The following PCDHA11 variants were observed in gnomAD, a reference collection of about 807,000 sequenced individuals.
The protein encoded by PCDHA11 is protocadherin alpha 11.
A neutral mutation model predicts 70.3 loss-of-function variants in PCDHA11; 61 were observed. The ratio of observed to expected loss-of-function variants is 0.87; its 90% confidence interval spans 0.71 to 1.07. PCDHA11 has a LOEUF of 1.07. Ranked by LOEUF, PCDHA11 falls within the 50% of genes least tolerant of loss-of-function variation. The pLI, the probability that PCDHA11 is intolerant of heterozygous loss-of-function variation, is 0.00. For synonymous variants in PCDHA11, 633 were observed against 555.1 expected (o/e 1.14, Z -1.97); for missense variants, 1,324 against 1,237.5 (o/e 1.07, Z -1.05).
chr5:140,882,391 C>T, intron 1 of PCDHA11: 2 of 1,614,214 alleles, frequency 1.2e-6, no homozygotes, highest in Non-Finnish European at 8.5e-7. Context: ...AAGCAAAACA[C>T]GGCACCTTCG....
chr5:140,978,601 G>A (rs1382051729), intron 1 of PCDHA11, among the ~76,000 whole-genome samples: 1 of 152,244 alleles, frequency 6.6e-6, no homozygotes, highest in African/African-American at 2.4e-5. Flanking sequence ...TGGGGCACTT[G>A]AGGGCAAAAG....
intron 1 of PCDHA11, among the ~76,000 whole-genome samples, chr5:140,874,303 C>T (rs1299985366): frequency 6.6e-6 from 1 of 152,088 alleles, no homozygotes. Flanking sequence ...TACTTGTTCA[C>T]AATGAGTTGT....
At chr5:140,935,894 CTT>C (rs55841305) in intron 1 of PCDHA11, among the ~76,000 whole-genome samples, 8 of 136,706 alleles carry the variant, frequency 5.9e-5, no homozygotes, top group Non-Finnish European at 3.1e-5. Context: ...TCAATATTAT[CTT>C]TTTTTTTTTT....
chr5:140,927,997 C>T (rs139322203), intron 1 of PCDHA11: 298 of 1,614,182 alleles, frequency 1.8e-4, no homozygotes, highest in Admixed American at 5.8e-4. Context: ...GGATGAAGAC[C>T]TCGATTCTAA....
chr5:140,899,402 G>A lies in PCDHA11; in HGVS notation c.2391+27908G>A, dbSNP rs1465071147. On this transcript the variant is annotated intron_variant, in intron 1 of 3. Transcript: ENST00000398640. ...TTTATTGAGAGTTTTTAGCATGAAG[G>A]GTTGTTGAATTTTGTCAAAGGTCTT... Among the ~76,000 whole-genome samples, 5 of 152,122 alleles carry A rather than the reference G, an allele frequency of 3.3e-5. No individual in the cohort carries two copies. The East Asian group carries it at 7.7e-4, about 24-fold the overall frequency.
At chr5:140,933,036 A>G (rs545196190) in intron 1 of PCDHA11, among the ~76,000 whole-genome samples, 5 of 152,154 alleles carry the variant, frequency 3.3e-5, no homozygotes, top group South Asian at 4.1e-4. Context: ...CTTCAAGTGA[A>G]TATGGATTAC....
chr5:140,904,486 C>G (rs1396927518), intron 1 of PCDHA11, among the ~76,000 whole-genome samples: 2 of 151,508 alleles, frequency 1.3e-5, no homozygotes, highest in African/African-American at 2.4e-5. Context: ...TGGTCTGATT[C>G]CAAATTTTTA....
chr5:140,988,500 C>T (rs1340106461), intron 3 of PCDHA11, among the ~76,000 whole-genome samples: 1 of 152,116 alleles, frequency 6.6e-6, no homozygotes, highest in Non-Finnish European at 1.5e-5. Flanking sequence ...TAGGAGAAGC[C>T]ATGAAGCTTA....
At chr5:140,997,792 T>C (rs1279010273) in intron 3 of PCDHA11, among the ~76,000 whole-genome samples, 1 of 152,160 alleles carries the variant, frequency 6.6e-6, no homozygotes, top group African/African-American at 2.4e-5. Context: ...TATATTATAA[T>C]TTATCCAATT....
chr5:140,877,262 T>C (rs1554169532), intron 1 of PCDHA11: 2 of 1,613,670 alleles, frequency 1.2e-6, no homozygotes, highest in South Asian at 2.2e-5. Flanking sequence ...GTGCGCGCGG[T>C]GGACGCTGAC....
At chr5:140,978,030 A>T (rs2096786422) in intron 1 of PCDHA11, among the ~76,000 whole-genome samples, 1 of 152,194 alleles carries the variant, frequency 6.6e-6, no homozygotes, top group Non-Finnish European at 1.5e-5. Flanking sequence ...GCTTACTGAT[A>T]CAAGACAGTG....
At chr5:140,920,084 T>C (rs2079442648) in intron 1 of PCDHA11, among the ~76,000 whole-genome samples, 1 of 152,196 alleles carries the variant, frequency 6.6e-6, no homozygotes, top group Non-Finnish European at 1.5e-5. Context: ...AGATTCTCCG[T>C]AGAGCCTCTA....
rs934481202 is a variant in PCDHA11, at chr5:140,902,279, C to A, written c.2391+30785C>A. On this transcript the variant is annotated intron_variant, in intron 1 of 3. Coordinates refer to ENST00000398640, the MANE Select transcript of PCDHA11 (RefSeq NM_018902.5). ...TCTCGAACTCCTGGGCTCAAGCAATCCTCCTGCCTCAGCCTCCCAAAGTGC... is the reference window on the plus strand; with the variant it reads ...TCTCGAACTCCTGGGCTCAAGCAATACTCCTGCCTCAGCCTCCCAAAGTGC... Among the ~76,000 whole-genome samples the A allele has an allele frequency of 2.7e-5, 4 of 148,452 alleles. No individual in the cohort carries two copies. The Admixed American group carries it at 2.7e-4, about 10-fold the overall frequency.
chr5:140,945,533 A>G (rs1007849839), intron 1 of PCDHA11, among the ~76,000 whole-genome samples: 2 of 152,084 alleles, frequency 1.3e-5, no homozygotes, highest in African/African-American at 4.8e-5. Flanking sequence ...AAAACAAAAC[A>G]TACAAACAAA....
At chr5:140,993,310 A>G (rs1013688133) in intron 3 of PCDHA11, among the ~76,000 whole-genome samples, 2 of 152,038 alleles carry the variant, frequency 1.3e-5, no homozygotes, top group African/African-American at 4.8e-5. Context: ...CTCCAGGATA[A>G]TACCTTCTAA....
chr5:141,011,237 A>G lies in PCDHA11; in HGVS notation c.*1300A>G, dbSNP rs562746586. Reference sequence around the variant, plus strand: ...GATTTTTCAATCTACTAATTCTGTGACTTGTCTTGGTGTGCTAGCCTACAC... The same window carrying G: ...GATTTTTCAATCTACTAATTCTGTGGCTTGTCTTGGTGTGCTAGCCTACAC... On this transcript the variant is annotated 3_prime_UTR_variant, in exon 4 of 4. Transcript: ENST00000398640. The G allele has an allele frequency of 6.5e-6, 1 of 153,754 alleles. No homozygotes were observed. Among genetic ancestry groups the G allele is most frequent in the South Asian group, 2.1e-4 (1 of 4,812 alleles). The allele number at this position is 153,754 out of a possible 1,614,324, so 9.5% of individuals were successfully genotyped here.
intron 3 of PCDHA11, among the ~76,000 whole-genome samples, chr5:140,999,676 C>T: frequency 6.6e-6 from 1 of 152,086 alleles, no homozygotes; most frequent in East Asian, 1.9e-4. Flanking sequence ...GGGGGGCTCA[C>T]AGAAAGAAGA....
chr5:140,999,409 T>C (rs1554256782), intron 3 of PCDHA11, among the ~76,000 whole-genome samples: 1 of 152,186 alleles, frequency 6.6e-6, no homozygotes, highest in African/African-American at 2.4e-5. Flanking sequence ...TATGAAAGAA[T>C]GGGAGCTAAG....
chr5:140,914,073 C>T (rs1314205032), intron 1 of PCDHA11, among the ~76,000 whole-genome samples: 2 of 152,120 alleles, frequency 1.3e-5, no homozygotes, highest in Non-Finnish European at 2.9e-5. Flanking sequence ...TGCTCCATAA[C>T]TATCTATTAG....
Sources: gnomAD v4.1 joint callset for allele counts (sites outside exome capture counted in the v4.1 genomes callset) on GRCh38, gnomAD v4.1.1 for gene constraint, MANE v1.5 for transcripts, NCBI Gene and HGNC (gene_info 2026-07-23, HGNC 2026-07-21) for gene names.